The following PPFIBP1 variants were observed in gnomAD, a reference collection of about 807,000 sequenced individuals.
The protein encoded by PPFIBP1 is liprin-beta-1.
PPFIBP1 carries 112 observed loss-of-function variants against 137.8 expected under a neutral mutation model. The observed-to-expected ratio is 0.81, with a 90% CI of 0.70 to 0.95. PPFIBP1 has a LOEUF of 0.95. PPFIBP1 is among the 40% of genes least tolerant of loss of function. PPFIBP1 has a pLI of 0.00. For missense variants in PPFIBP1, 1,083 were observed against 1,196.6 expected, an observed-to-expected ratio of 0.91 and a Z score of 1.40; for synonymous variants, 378 against 417.3, an observed-to-expected ratio of 0.91 and a Z score of 1.15.
chr12:27,679,309 A>G (rs2140334079), intron 19 of PPFIBP1, among the ~76,000 whole-genome samples, 180 bp from the exon 20 acceptor site: 1 of 152,374 alleles, frequency 6.6e-6, no homozygotes, highest in East Asian at 1.9e-4. Flanking sequence ...GTTTACACAC[A>G]GTAAACTATG....
intron 1 of PPFIBP1, among the ~76,000 whole-genome samples, chr12:27,537,575 G>A (rs1438228305): frequency 6.6e-6 from 1 of 152,092 alleles, no homozygotes; most frequent in African/African-American, 2.4e-5. Context: ...TTCCCGGGGT[G>A]GAGACTGCAT....
intron 2 of PPFIBP1, among the ~76,000 whole-genome samples, chr12:27,585,348 T>C (rs186591833): frequency 6.6e-6 from 1 of 152,230 alleles, no homozygotes; most frequent in Admixed American, 6.5e-5. Context: ...GCTTTTCCAC[T>C]CAGGAAACAT....
intron 17 of PPFIBP1, among the ~76,000 whole-genome samples, chr12:27,674,699 CA>C (rs1465969551): frequency 6.6e-6 from 1 of 152,174 alleles, no homozygotes; most frequent in African/African-American, 2.4e-5. Flanking sequence ...TAGACCTCCC[CA>C]AAAGCCCTTC....
At chr12:27,590,170 G>C (rs1284320737) in intron 2 of PPFIBP1, among the ~76,000 whole-genome samples, 2 of 146,452 alleles carry the variant, frequency 1.4e-5, no homozygotes, top group African/African-American at 2.5e-5. Flanking sequence ...GCTGTGTTAG[G>C]ATTTTGTTTT....
intron 1 of PPFIBP1, among the ~76,000 whole-genome samples, chr12:27,571,545 C>T (rs2050149127): frequency 6.6e-6 from 1 of 152,108 alleles, no homozygotes; most frequent in South Asian, 2.1e-4. Flanking sequence ...TGTGCCTATT[C>T]CATGTGGGGC....
intron 2 of PPFIBP1, among the ~76,000 whole-genome samples, chr12:27,631,940 G>A (rs1438450267): frequency 1.3e-5 from 2 of 152,136 alleles, no homozygotes; most frequent in Admixed American, 6.5e-5. Flanking sequence ...TTAAATATGT[G>A]TCCTGCTTCT....
intron 24 of PPFIBP1, among the ~76,000 whole-genome samples, chr12:27,685,736 C>A (rs904090590): frequency 2.6e-5 from 4 of 152,046 alleles, no homozygotes; most frequent in Admixed American, 6.6e-5. Flanking sequence ...GCAATTTAGT[C>A]AATTGTACAT....
intron 19 of PPFIBP1, chr12:27,677,876 G>A (rs146316783): frequency 8.5e-5 from 13 of 152,368 alleles, no homozygotes; most frequent in African/African-American, 3.1e-4. Context: ...CTGTTACCTT[G>A]TATAGATATC....
intron 1 of PPFIBP1, among the ~76,000 whole-genome samples, chr12:27,561,721 T>TCCTCTG (rs2049179242): frequency 6.6e-6 from 1 of 152,050 alleles, no homozygotes; most frequent in African/African-American, 2.4e-5. Flanking sequence ...CTCCGAGCAC[T>TCCTCTG]CCTCTGCCTC....
chr12:27,628,971 G>A (rs7974859), intron 2 of PPFIBP1, among the ~76,000 whole-genome samples: 1 of 152,146 alleles, frequency 6.6e-6, no homozygotes, highest in Admixed American at 6.5e-5. Context: ...GTGTGCTGGA[G>A]TATTTAAAGC....
rs1316308573 is a variant in PPFIBP1 at position 27,676,497 on chromosome 12, A to G, written c.1480A>G (p.Met494Val). Residue 494 changes from methionine to valine, a missense_variant, in exon 18 of 30, where the codon ATG (methionine) becomes GTG (valine). Coordinates refer to ENST00000228425, the MANE Select transcript of PPFIBP1 (RefSeq NM_003622.4). ...PPRPPGQDTS[M>V]DDNPFGTRKV... ...CAGGCCCCCAGGGCAGGACACCTCC[A>G]TGGATGACAACCCCTTCGGCACTCG... is the stretch of plus-strand genomic sequence containing the variant. 2 of 1,608,332 alleles carry G rather than the reference A, an allele frequency of 1.2e-6. No individual in the cohort carries two copies. The highest frequency in any genetic ancestry group is 2.2e-5 in the East Asian group (1 of 44,662).
chr12:27,573,377 C>G (rs2050294719), intron 1 of PPFIBP1, among the ~76,000 whole-genome samples: 1 of 152,076 alleles, frequency 6.6e-6, no homozygotes, highest in South Asian at 2.1e-4. Flanking sequence ...ATCTAAGAAG[C>G]CAAAACCATA....
chr12:27,588,315 C>G (rs2052039278), intron 2 of PPFIBP1, among the ~76,000 whole-genome samples: 1 of 152,102 alleles, frequency 6.6e-6, no homozygotes, highest in South Asian at 2.1e-4. Flanking sequence ...AGTGATTCAC[C>G]CAATGGTTTT....
intron 1 of PPFIBP1, among the ~76,000 whole-genome samples, chr12:27,562,690 G>C (rs183238648): frequency 1.4e-3 from 207 of 152,226 alleles, no homozygotes; most frequent in African/African-American, 4.4e-3. Context: ...TAAAGAAAAT[G>C]AGCTTTTTAG....
chr12:27,679,748 G>C (rs2060770529), intron 20 of PPFIBP1, 109 bp downstream of exon 20: 2 of 1,426,766 alleles, frequency 1.4e-6, no homozygotes, highest in South Asian at 2.7e-5. Flanking sequence ...CTTATGGAAG[G>C]AAGTTTGGAT....
rs1203993692 is a variant in PPFIBP1, at chr12:27,694,773, T to G, written c.*1891T>G. 6.6e-6 allele frequency: 1 copy of G among 152,214 alleles called. No individual in the cohort carries two copies. The highest frequency in any genetic ancestry group is 1.5e-5 in the Non-Finnish European group (1 of 68,030). The allele number at this position is 152,214 out of a possible 1,614,324, so 9.4% of individuals were successfully genotyped here. On this transcript the variant is annotated 3_prime_UTR_variant, in exon 30 of 30. Transcript: ENST00000228425. ...CGTAATTACCCATGGTAGCCAACCC[T>G]ACAAAAGACAGGTTTTCACAAATTG...
At chr12:27,571,416 A>G (rs2136673134) in intron 1 of PPFIBP1, among the ~76,000 whole-genome samples, 1 of 152,304 alleles carries the variant, frequency 6.6e-6, no homozygotes, top group East Asian at 1.9e-4. Context: ...AGCATGTATC[A>G]ATCTGGTCCG....
chr12:27,671,610 T>G (rs779794141), intron 14 of PPFIBP1, 64 bp downstream of exon 14: 3 of 1,046,478 alleles, frequency 2.9e-6, no homozygotes, highest in Non-Finnish European at 4.2e-6. Context: ...AAGACAAGGA[T>G]GTATTGCATT....
intron 2 of PPFIBP1, among the ~76,000 whole-genome samples, chr12:27,581,531 A>G (rs1186077026): frequency 4.6e-5 from 7 of 152,228 alleles, no homozygotes; most frequent in African/African-American, 1.7e-4. Flanking sequence ...GTAGCCACTG[A>G]GATAATGTCA....
Sources: allele counts gnomAD v4.1 joint callset (sites outside exome capture counted in the v4.1 genomes callset), GRCh38; gene constraint gnomAD v4.1.1; transcripts MANE v1.5; gene names NCBI Gene and HGNC (gene_info 2026-07-23, HGNC 2026-07-21).